The following RGS12 variants were observed in gnomAD, a reference collection of about 807,000 sequenced individuals.
RGS12 encodes the protein regulator of G-protein signaling 12.
In RGS12, 66 loss-of-function variants were observed where a neutral mutation model predicts 120.1. The ratio of observed to expected loss-of-function variants is 0.55; its 90% CI spans 0.45 to 0.67. The LOEUF is 0.67. Ranked by LOEUF, RGS12 falls within the 30% of genes least tolerant of loss-of-function variation. The pLI, the probability that RGS12 is intolerant of heterozygous loss-of-function variation, is 0.00. For missense variants in RGS12, 1,859 were observed against 1,957.7 expected (o/e 0.95, Z 0.95); for synonymous variants, 827 against 804.7 (o/e 1.03, Z -0.47).
intron 1 of RGS12, among the ~76,000 whole-genome samples, chr4:3,294,512 T>C (rs555026324): frequency 6.6e-5 from 10 of 152,372 alleles, no homozygotes; most frequent in African/African-American, 2.4e-4. Flanking sequence ...AGGTCCATCG[T>C]GGCCAGTGCT....
At chr4:3,351,983 C>T (rs569206339) in intron 3 of RGS12, among the ~76,000 whole-genome samples, 36 of 151,980 alleles carry the variant, frequency 2.4e-4, no homozygotes, top group African/African-American at 8.4e-4. Context: ...TGGCCAGAAT[C>T]AAGCAAGGGA....
chr4:3,359,901 G>A (rs751764773), intron 3 of RGS12, among the ~76,000 whole-genome samples: 1 of 152,058 alleles, frequency 6.6e-6, no homozygotes. Flanking sequence ...GGGATTACAG[G>A]CATGAGCCAC....
chr4:3,432,187 A>G (rs749726323), intron 17 of RGS12: 13 of 984,274 alleles, frequency 1.3e-5, no homozygotes, highest in Non-Finnish European at 1.6e-5. Context: ...ACTGGCTTAC[A>G]ACTTTTCTTT....
In RGS12 at chr4:3,369,382, C is replaced by G. The variant is rs141639870; in HGVS notation, c.1999-17034C>G. 4.9e-3 allele frequency among the ~76,000 whole-genome samples: 740 copies of G among 152,322 alleles called. 4 individuals carry two copies. The highest frequency in any genetic ancestry group is 6.4e-3 in the Non-Finnish European group (437 of 68,014). ...ATGTTCCTCCACAGAAAGGCAGAAG[C>G]AGAGCTGGCACAGTTCCTTCCCAGC... On this transcript the variant is annotated intron_variant, in intron 3 of 17. Coordinates refer to ENST00000336727, the MANE Select transcript of RGS12 (RefSeq NM_001394154.1).
In RGS12 at chr4:3,420,736, C is replaced by T; in HGVS notation, c.2838+18C>T. ...TGGACCTGGTGAGTCACTGTCTCCC[C>T]TCGTCCCACAGGCCTCAGGGGTGTC... On this transcript the variant is annotated intron_variant, in intron 10 of 17. Transcript: ENST00000336727. 1 of 1,606,920 alleles carries T rather than the reference C, an allele frequency of 6.2e-7. No homozygotes were observed. The highest frequency in any genetic ancestry group is 2.2e-5 in the East Asian group (1 of 44,830).
chr4:3,431,896 A>G, intron 17 of RGS12: 1 of 985,404 alleles, frequency 1.0e-6, no homozygotes, highest in Non-Finnish European at 1.2e-6. Flanking sequence ...TGTAGCCTGG[A>G]CCTCGCCGGG....
At chr4:3,401,509 G>C (rs1285708550) in intron 4 of RGS12, among the ~76,000 whole-genome samples, 2 of 152,228 alleles carry the variant, frequency 1.3e-5, no homozygotes, top group African/African-American at 2.4e-5. Context: ...TTATAGGAAA[G>C]TTAAGTAACT....
chr4:3,329,608 G>A (rs1207731369), intron 2 of RGS12, among the ~76,000 whole-genome samples: 2 of 152,146 alleles, frequency 1.3e-5, no homozygotes, highest in Admixed American at 6.5e-5. Flanking sequence ...ACAGTGCGGC[G>A]CACCCGAGAG....
intron 2 of RGS12, among the ~76,000 whole-genome samples, chr4:3,330,051 C>T (rs1711663616): frequency 6.6e-6 from 1 of 152,218 alleles, no homozygotes; most frequent in African/African-American, 2.4e-5. Flanking sequence ...CTGGTTCTTT[C>T]TTGCTGTGTG....
chr4:3,414,511 A>T, intron 5 of RGS12: 1 of 597,170 alleles, frequency 1.7e-6, no homozygotes, highest in Middle Eastern at 4.4e-4. Context: ...GGAGCTTCCT[A>T]TCTGTGTTAA....
intron 1 of RGS12, among the ~76,000 whole-genome samples, chr4:3,303,605 A>T (rs1226100435): frequency 2.0e-5 from 3 of 152,144 alleles, no homozygotes; most frequent in African/African-American, 7.2e-5. Context: ...AGTGGGGGGA[A>T]CAAGAGGAAG....
At position 3,428,181 on chromosome 4, in the gene RGS12, C is replaced by A. The variant is rs745985152; in HGVS notation, c.3411+12C>A. ...ACCACTCGGCTACGGTAATTCCCCA[C>A]CCTGGCCCACCCTGTGCCCTGCTCC... is the stretch of plus-strand genomic sequence containing the variant. On this transcript the variant is annotated intron_variant, in intron 15 of 17. Transcript: ENST00000336727. 85 of 1,609,598 alleles carry A rather than the reference C, an allele frequency of 5.3e-5. No individual in the cohort carries two copies. The highest frequency in any genetic ancestry group is 4.9e-4 in the Middle Eastern group (3 of 6,078).
chr4:3,370,353 A>G (rs1462776714), intron 3 of RGS12: 3 of 1,607,820 alleles, frequency 1.9e-6, no homozygotes, highest in Admixed American at 3.3e-5. Context: ...TTTTCATTTA[A>G]TCAGTGGTAG....
At chr4:3,289,656 C>T (rs1454333421), upstream of RGS12, among the ~76,000 whole-genome samples, 1 of 152,212 alleles carries the variant, frequency 6.6e-6, no homozygotes, top group Non-Finnish European at 1.5e-5. Flanking sequence ...CCATCATTCA[C>T]ATCCCATTTT....
intron 4 of RGS12, among the ~76,000 whole-genome samples, chr4:3,395,986 T>C (rs1720012492): frequency 6.6e-6 from 1 of 152,250 alleles, no homozygotes; most frequent in Non-Finnish European, 1.5e-5. Flanking sequence ...AAATCATTTC[T>C]AGATTACTGA....
At chr4:3,368,587 TGTGCCTGTGTGTGTGTGG>T in intron 3 of RGS12, among the ~76,000 whole-genome samples, 1 of 116,410 alleles carries the variant, frequency 8.6e-6, no homozygotes, top group South Asian at 3.1e-4. Flanking sequence ...TGCCTGTGTG[TGTGCCTGTGTGTGTGTGG>T]GTACCTGTGT....
At chr4:3,428,282 C>T (rs1433199906) in intron 15 of RGS12, 113 bp downstream of exon 15, 2 of 1,021,424 alleles carry the variant, frequency 2.0e-6, no homozygotes, top group Admixed American at 3.5e-5. Flanking sequence ...GTGTGTCTCC[C>T]CCACGCTCCT....
At chr4:3,294,546 A>T (rs1313065267) in intron 1 of RGS12, among the ~76,000 whole-genome samples, 1 of 152,222 alleles carries the variant, frequency 6.6e-6, no homozygotes, top group East Asian at 1.9e-4. Flanking sequence ...GATGATGGGT[A>T]TCCGGTGCCC....
intron 3 of RGS12, 97 bp downstream of exon 3, chr4:3,343,150 GTCCCC>G: frequency 1.2e-6 from 1 of 813,382 alleles, no homozygotes; most frequent in Non-Finnish European, 2.1e-6. Context: ...AGTCCCTGTG[GTCCCC>G]TCCCCTCCTC....
Sources: gnomAD v4.1 joint callset for allele counts (sites outside exome capture counted in the v4.1 genomes callset) on GRCh38, gnomAD v4.1.1 for gene constraint, MANE v1.5 for transcripts, NCBI Gene and HGNC (gene_info 2026-07-23, HGNC 2026-07-21) for gene names.